Variants in AARSD1 observed in about 807,000 individuals in gnomAD.
The protein encoded by AARSD1 is alanyl-tRNA synthetase domain containing 1.
In AARSD1, 44 loss-of-function variants were observed where a neutral mutation model predicts 48.7. The observed-to-expected ratio is 0.90, with a 90% CI of 0.71 to 1.16. The LOEUF (loss-of-function observed/expected upper bound fraction) is 1.16, where lower values mean the gene tolerates loss of function less well. Ranked by LOEUF, AARSD1 falls within the 50% of genes most tolerant of loss-of-function variation. AARSD1 has a pLI of 0.00. For missense variants in AARSD1, 511 were observed against 523.1 expected (o/e 0.98, Z 0.23); for synonymous variants, 189 against 194.9 (o/e 0.97, Z 0.25).
At chr17:42,952,191 A>C in intron 10 of AARSD1, 3 of 372,214 alleles carry the variant, frequency 8.1e-6, no homozygotes, top group African/African-American at 2.0e-5. Context: ...CCCACCACAC[A>C]TCCTTTCCCT....
intron 9 of AARSD1, among the ~76,000 whole-genome samples, chr17:42,954,607 G>A (rs919648093): frequency 1.3e-5 from 2 of 151,914 alleles, no homozygotes; most frequent in Non-Finnish European, 2.9e-5. Flanking sequence ...GCTAATTTTT[G>A]TACTTTTAGT....
chr17:42,960,808 C>T (rs1180092980), intron 3 of AARSD1: 1 of 162,974 alleles, frequency 6.1e-6, no homozygotes, highest in Admixed American at 6.5e-5. Context: ...GGAATGACTT[C>T]CAGAACTTGA....
intron 7 of AARSD1, 124 bp from the exon 8 acceptor site, chr17:42,955,348 TGAG>T (rs1373737670): frequency 5.7e-6 from 7 of 1,219,170 alleles, no homozygotes; most frequent in Middle Eastern, 2.3e-4. Context: ...GGAGATATTC[TGAG>T]GAGGTCTCTT....
intron 3 of AARSD1, among the ~76,000 whole-genome samples, chr17:42,960,398 T>A (rs2049618410): frequency 2.0e-5 from 3 of 151,994 alleles, no homozygotes; most frequent in Admixed American, 2.0e-4. Flanking sequence ...GGGACTAGGA[T>A]GACAGTGACT....
At chr17:42,963,084 CT>C (rs1043654937) in intron 2 of AARSD1, among the ~76,000 whole-genome samples, 14 of 147,992 alleles carry the variant, frequency 9.5e-5, no homozygotes, top group South Asian at 4.3e-4. Context: ...CTTAATACAC[CT>C]TTTTTTTTTC....
intron 3 of AARSD1, among the ~76,000 whole-genome samples, chr17:42,957,869 C>T (rs1712058873): frequency 6.6e-6 from 1 of 152,062 alleles, no homozygotes; most frequent in African/African-American, 2.4e-5. Flanking sequence ...GATACAGCAG[C>T]ATCCCTGATT....
In AARSD1 at chr17:42,956,439, G is replaced by A. The variant is rs969752036; in HGVS notation, c.511C>T (p.Arg171Ter). The change falls in exon 5 of 12, where the codon CGA (arginine) becomes TGA (stop). Residue 171 changes from arginine (R) to a stop codon, truncating the protein, a stop_gained. Transcript: ENST00000427569. LOFTEE classifies it high-confidence loss of function. Reference sequence around the variant, plus strand: ...TCAGGATCATCCAGGCTCAGTTCTCGGACATTCACAGGCAGCCGATCTCTG... The same window carrying A: ...TCAGGATCATCCAGGCTCAGTTCTCAGACATTCACAGGCAGCCGATCTCTG... ...KIRDRLPVNV[R>*]ELSLDDPEVE... 1.4e-5 allele frequency: 23 copies of A among 1,613,862 alleles called. No individual in the cohort carries two copies. Among genetic ancestry groups the A allele is most frequent in the East Asian group, 1.1e-4 (5 of 44,880 alleles).
Position 42,961,314 on chromosome 17 carries a change from A to AG in AARSD1, c.208dup (p.Leu70ProfsTer11). The stretch of plus-strand genomic sequence containing the variant: ...CTGTTCCCCACGGCGAGTCACTCTC[A>AG]GCACAGAGATGTCATTGATTGTACC... On this transcript the variant is annotated frameshift_variant, in exon 3 of 12. Coordinates refer to ENST00000427569, the MANE Select transcript of AARSD1 (RefSeq NM_001261434.2). LOFTEE classifies it high-confidence loss of function. 1 of 1,614,158 alleles carries AG rather than the reference A, an allele frequency of 6.2e-7. No homozygotes were observed. The highest frequency in any genetic ancestry group is 8.5e-7 in the Non-Finnish European group (1 of 1,180,024).
chr17:42,957,878 T>C (rs2049580476), intron 3 of AARSD1, among the ~76,000 whole-genome samples: 1 of 151,654 alleles, frequency 6.6e-6, no homozygotes, highest in Admixed American at 6.6e-5. Context: ...GCATCCCTGA[T>C]TGACAAGAGT....
intron 1 of AARSD1, 26 bp downstream of exon 1, chr17:42,964,376 T>C (rs753840603): frequency 3.2e-6 from 5 of 1,557,312 alleles, no homozygotes; most frequent in Non-Finnish European, 4.3e-6. Flanking sequence ...CCCGGCAGTC[T>C]CAAGTGCCTC....
In AARSD1 at chr17:42,960,100, C is replaced by T. The variant is rs184383047; in HGVS notation, c.331+1092G>A. Among the ~76,000 whole-genome samples the T allele has an allele frequency of 5.9e-4, 89 of 151,952 alleles. 1 individual carries two copies. The East Asian group carries it at 0.014, about 24-fold the overall frequency. ...CCTGGCCAACATGGTGAAACACCGT[C>T]TCTACTAAAAATACAAAAATTAGCC... On this transcript the variant is annotated intron_variant, in intron 3 of 11. Coordinates refer to ENST00000427569, the MANE Select transcript of AARSD1 (RefSeq NM_001261434.2).
chr17:42,956,125 CT>C (rs1299022485), intron 6 of AARSD1, 78 bp downstream of exon 6: 2 of 1,610,984 alleles, frequency 1.2e-6, no homozygotes, highest in African/African-American at 1.3e-5. Flanking sequence ...GATTATCCCC[CT>C]CTCCCACTCC....
chr17:42,963,919 G>A (rs781242919), intron 2 of AARSD1, among the ~76,000 whole-genome samples, 187 bp downstream of exon 2: 5 of 152,088 alleles, frequency 3.3e-5, no homozygotes, highest in Admixed American at 6.6e-5. Context: ...TTACAGCCTG[G>A]AATAATATCT....
At chr17:42,950,753 G>A (rs767374973) in intron 11 of AARSD1, 25 bp from the exon 12 acceptor site, 1 of 1,586,996 alleles carries the variant, frequency 6.3e-7, no homozygotes. Context: ...TATAGTCAGG[G>A]AGACTTTGAG....
In AARSD1 at chr17:42,955,952, A is replaced by G; in HGVS notation, c.684T>C (p.Thr228=). ...SDLQVIKILG[T]EKGKKNRTNL... Reference sequence around the variant, plus strand: ...TGGTTCTGTTCTTTTTCCCCTTCTCAGTGCCCAGAATCTTAATGACCTACA... The same window carrying G: ...TGGTTCTGTTCTTTTTCCCCTTCTCGGTGCCCAGAATCTTAATGACCTACA... The change falls in exon 7 of 12, where the codon ACT becomes ACC. Residue 228 remains threonine (T), a synonymous_variant. Coordinates refer to ENST00000427569, the MANE Select transcript of AARSD1 (RefSeq NM_001261434.2). 1 of 1,613,968 alleles carries G rather than the reference A, an allele frequency of 6.2e-7. No homozygotes were observed. The highest frequency in any genetic ancestry group is 8.5e-7 in the Non-Finnish European group (1 of 1,180,004).
chr17:42,957,268 A>T (rs2049571289), intron 3 of AARSD1, 73 bp from the exon 4 acceptor site: 1 of 1,584,364 alleles, frequency 6.3e-7, no homozygotes, highest in Non-Finnish European at 8.6e-7. Flanking sequence ...AATATGAGCT[A>T]CAATGATAAA....
chr17:42,956,593 T>A, intron 4 of AARSD1, 33 bp from the exon 5 acceptor site: 1 of 1,538,828 alleles, frequency 6.5e-7, no homozygotes, highest in Non-Finnish European at 8.8e-7. Context: ...AGATAACATA[T>A]CTTACTGAAC....
At chr17:42,955,730 C>CA (rs2151940929) in intron 7 of AARSD1, 112 bp downstream of exon 7, 1 of 1,545,846 alleles carries the variant, frequency 6.5e-7, no homozygotes, top group Non-Finnish European at 8.7e-7. Context: ...TGTGGGCCAC[C>CA]ACGCCTGGCC....
intron 3 of AARSD1, among the ~76,000 whole-genome samples, chr17:42,958,853 C>A (rs2049593398): frequency 6.6e-6 from 1 of 151,534 alleles, no homozygotes; most frequent in Non-Finnish European, 1.5e-5. Flanking sequence ...CAGGCATGAG[C>A]CACCACGCTC....
Sources: gnomAD v4.1 joint callset for allele counts (sites outside exome capture counted in the v4.1 genomes callset) on GRCh38, gnomAD v4.1.1 for gene constraint, MANE v1.5 for transcripts, NCBI Gene and HGNC (gene_info 2026-07-23, HGNC 2026-07-21) for gene names.